The following ABTB3 variants were observed in gnomAD, a reference collection of about 807,000 sequenced individuals.
ABTB3 encodes ankyrin repeat and BTB domain containing 3.
chr12:107,636,516 T>C, the ABTB3 span, among the ~76,000 whole-genome samples: 2 of 152,240 alleles, frequency 1.3e-5, no homozygotes, highest in Non-Finnish European at 2.9e-5. Context: ...CCAGTTTAGA[T>C]TAATTAAAAG....
At chr12:107,530,760 G>A in the ABTB3 span, among the ~76,000 whole-genome samples, 1 of 152,048 alleles carries the variant, frequency 6.6e-6, no homozygotes, top group East Asian at 1.9e-4. Context: ...TTAAACACTT[G>A]TTTGTCAAAT....
At chr12:107,360,841 C>T in the ABTB3 span, among the ~76,000 whole-genome samples, 28 of 152,154 alleles carry the variant, frequency 1.8e-4, no homozygotes, top group African/African-American at 5.8e-4. Context: ...ACAGCTTCCA[C>T]CTCCCAGGTT....
the ABTB3 span, among the ~76,000 whole-genome samples, chr12:107,331,976 G>A: frequency 6.6e-6 from 1 of 152,240 alleles, no homozygotes; most frequent in Non-Finnish European, 1.5e-5. Flanking sequence ...CAGCATGAGA[G>A]CTATGGATTA....
At chr12:107,492,193 T>A in the ABTB3 span, among the ~76,000 whole-genome samples, 4 of 152,136 alleles carry the variant, frequency 2.6e-5, no homozygotes, top group Admixed American at 2.6e-4. Context: ...GGATGAGAAC[T>A]TAGATATCTG....
the ABTB3 span, among the ~76,000 whole-genome samples, chr12:107,363,208 T>C: frequency 6.6e-6 from 1 of 152,240 alleles, no homozygotes; most frequent in Admixed American, 6.5e-5. Flanking sequence ...AATTCATTAA[T>C]TGCTTTTGAA....
the ABTB3 span, among the ~76,000 whole-genome samples, chr12:107,520,960 A>G: frequency 6.6e-6 from 1 of 152,166 alleles, no homozygotes; most frequent in Non-Finnish European, 1.5e-5. Context: ...CAATGAGCTC[A>G]CATCCATAAA....
At chr12:107,334,275 A>G in the ABTB3 span, among the ~76,000 whole-genome samples, 68 of 152,290 alleles carry the variant, frequency 4.5e-4, no homozygotes, top group Middle Eastern at 3.4e-3. Context: ...GGCTCTTCCA[A>G]TAGCCCAGGC....
the ABTB3 span, among the ~76,000 whole-genome samples, chr12:107,457,591 A>G: frequency 1.4e-4 from 21 of 152,222 alleles, no homozygotes; most frequent in African/African-American, 5.1e-4. Context: ...GCAGAAAAAA[A>G]TGCTGCGAGC....
the ABTB3 span, among the ~76,000 whole-genome samples, chr12:107,459,945 G>T: frequency 6.6e-6 from 1 of 152,348 alleles, no homozygotes; most frequent in East Asian, 1.9e-4. Context: ...AGCAGCCAGG[G>T]GGGCAGGGGT....
chr12:107,415,169 C>CA, the ABTB3 span, among the ~76,000 whole-genome samples: 3 of 152,128 alleles, frequency 2.0e-5, no homozygotes, highest in African/African-American at 7.2e-5. Context: ...CTCCTGGTCA[C>CA]ACTGGTCTTA....
At chr12:107,637,257 T>A in the ABTB3 span, among the ~76,000 whole-genome samples, 1 of 152,156 alleles carries the variant, frequency 6.6e-6, no homozygotes, top group Non-Finnish European at 1.5e-5. Flanking sequence ...CCGGACGCAA[T>A]GGCGCATGCC....
At chr12:107,581,060 G>T in the ABTB3 span, 6 of 1,542,106 alleles carry the variant, frequency 3.9e-6, no homozygotes, top group South Asian at 4.8e-5. Flanking sequence ...GAGATGGGGG[G>T]ATCCCCGCGA....
the ABTB3 span, among the ~76,000 whole-genome samples, chr12:107,539,658 T>C: frequency 2.0e-5 from 3 of 152,170 alleles, no homozygotes; most frequent in Non-Finnish European, 4.4e-5. Flanking sequence ...CATCCTGGTC[T>C]CACCACTCAG....
chr12:107,499,564 T>C, the ABTB3 span, among the ~76,000 whole-genome samples: 1 of 152,186 alleles, frequency 6.6e-6, no homozygotes, highest in Non-Finnish European at 1.5e-5. Context: ...AGAACATTGT[T>C]TAATTGACTC....
the ABTB3 span, among the ~76,000 whole-genome samples, chr12:107,585,414 T>C: frequency 2.0e-5 from 3 of 152,342 alleles, no homozygotes; most frequent in African/African-American, 4.8e-5. Flanking sequence ...CTTCACTCTA[T>C]TGAGCACCAA....
chr12:107,434,799 G>A, the ABTB3 span, among the ~76,000 whole-genome samples: 1 of 152,050 alleles, frequency 6.6e-6, no homozygotes, highest in Non-Finnish European at 1.5e-5. Flanking sequence ...AGGAAGTGGA[G>A]GTTGCAATGA....
the ABTB3 span, among the ~76,000 whole-genome samples, chr12:107,355,367 A>T: frequency 3.9e-5 from 6 of 152,216 alleles, no homozygotes; most frequent in Non-Finnish European, 5.9e-5. Flanking sequence ...TGGGGACTGG[A>T]CCACGTGGAA....
chr12:107,564,453 C>T, the ABTB3 span, among the ~76,000 whole-genome samples: 1 of 152,212 alleles, frequency 6.6e-6, no homozygotes, highest in African/African-American at 2.4e-5. Context: ...ATTTCCTGAG[C>T]ATCTCTGTGA....
chr12:107,546,082 C>G, the ABTB3 span, among the ~76,000 whole-genome samples: 1 of 152,224 alleles, frequency 6.6e-6, no homozygotes, highest in Admixed American at 6.5e-5. Context: ...CTGCCTCATA[C>G]TTAACGTAAT....
Sources: gnomAD v4.1 joint callset for allele counts (sites outside exome capture counted in the v4.1 genomes callset) on GRCh38, gnomAD v4.1.1 for gene constraint, MANE v1.5 for transcripts, NCBI Gene and HGNC (gene_info 2026-07-23, HGNC 2026-07-21) for gene names.